The following MINDY4 variants were observed in gnomAD, a reference collection of about 807,000 sequenced individuals.
MINDY4 encodes the protein probable ubiquitin carboxyl-terminal hydrolase MINDY-4.
In MINDY4, 68 loss-of-function variants were observed where a neutral mutation model predicts 87.0. The observed-to-expected ratio is 0.78, with a 90% CI of 0.64 to 0.96. MINDY4 has a LOEUF of 0.96. MINDY4 is among the 40% of genes least tolerant of loss of function. The pLI is 0.00. For synonymous variants in MINDY4, 379 were observed against 363.2 expected, an observed-to-expected ratio of 1.04 and a Z score of -0.50; for missense variants, 919 against 928.2, an observed-to-expected ratio of 0.99 and a Z score of 0.13.
chr7:30,859,293 C>G lies in MINDY4; in HGVS notation c.1714C>G (p.Leu572Val). Residue 572 changes from leucine to valine, a missense_variant, in exon 13 of 18, where the codon CTT becomes GTT. Coordinates refer to ENST00000265299, the MANE Select transcript of MINDY4 (RefSeq NM_032222.3). Reference sequence around the variant, plus strand: ...CCCCTATGGCTGCATCCTGCTCACCCTTTCTGCCATCCTGTCCAGGTCTAC... The same window carrying G: ...CCCCTATGGCTGCATCCTGCTCACCGTTTCTGCCATCCTGTCCAGGTCTAC... ...VGPYGCILLTLSAILSRSTEL... is the reference protein window; with the variant it reads ...VGPYGCILLTVSAILSRSTEL... The G allele has an allele frequency of 6.2e-7, 1 of 1,614,184 alleles. No individual in the cohort carries two copies. Among genetic ancestry groups the G allele is most frequent in the South Asian group, 1.1e-5 (1 of 91,082 alleles).
chr7:30,871,163 G>A (rs1030591936), intron 13 of MINDY4, among the ~76,000 whole-genome samples: 3 of 152,134 alleles, frequency 2.0e-5, no homozygotes, highest in African/African-American at 7.2e-5. Flanking sequence ...TGCAGAAGTG[G>A]GGGGGACAGA....
chr7:30,873,060 C>T (rs1226989028), intron 14 of MINDY4, among the ~76,000 whole-genome samples: 1 of 152,196 alleles, frequency 6.6e-6, no homozygotes, highest in African/African-American at 2.4e-5. Flanking sequence ...ACTCAGTTGT[C>T]CTGGGGGTCC....
intron 15 of MINDY4, among the ~76,000 whole-genome samples, chr7:30,881,706 C>T (rs1790467260): frequency 6.6e-6 from 1 of 152,154 alleles, no homozygotes; most frequent in South Asian, 2.1e-4. Context: ...TATTTCTGCT[C>T]CAACAAGGGA....
rs779619024 is a variant in MINDY4 at position 30,828,728 on chromosome 7, C to T, written c.1123C>T (p.Leu375=). 4 of 1,612,960 alleles carry T rather than the reference C, an allele frequency of 2.5e-6. No individual in the cohort carries two copies. Among genetic ancestry groups the T allele is most frequent in the Non-Finnish European group, 2.5e-6 (3 of 1,180,008 alleles). ...SDKVDGELGA[L]RLEDVEDELI... ...CAAGGTGGATGGTGAGCTGGGTGCCCTGCGGCTCGGTAGGTGCAGCGGGTG... is the reference window on the plus strand; with the variant it reads ...CAAGGTGGATGGTGAGCTGGGTGCCTTGCGGCTCGGTAGGTGCAGCGGGTG... Residue 375 remains leucine, a synonymous_variant, in exon 6 of 18, where the codon CTG becomes TTG. Coordinates refer to ENST00000265299, the MANE Select transcript of MINDY4 (RefSeq NM_032222.3).
chr7:30,840,643 T>C (rs1180851968), intron 8 of MINDY4, 117 bp from the exon 9 acceptor site: 4 of 754,374 alleles, frequency 5.3e-6, no homozygotes, highest in Non-Finnish European at 8.9e-6. Flanking sequence ...GGCCCTTCTG[T>C]TGCAGAAGGC....
At chr7:30,889,356 T>G (rs572715982) in intron 17 of MINDY4, among the ~76,000 whole-genome samples, 2 of 152,208 alleles carry the variant, frequency 1.3e-5, no homozygotes, top group Non-Finnish European at 2.9e-5. Context: ...GTCAGCACAA[T>G]GCCTTCCCAG....
chr7:30,860,110 A>C (rs1392006749), intron 13 of MINDY4, among the ~76,000 whole-genome samples: 3 of 152,102 alleles, frequency 2.0e-5, no homozygotes, highest in Non-Finnish European at 4.4e-5. Context: ...GGGAGAGTGA[A>C]TCTTACTTTG....
At chr7:30,882,429 C>T (rs1790495949) in intron 16 of MINDY4, 68 bp downstream of exon 16, 1 of 1,292,382 alleles carries the variant, frequency 7.7e-7, no homozygotes. Flanking sequence ...GTCACAGAAA[C>T]CAGCCTTCCT....
intron 10 of MINDY4, among the ~76,000 whole-genome samples, chr7:30,851,252 T>C (rs898845383): frequency 3.9e-5 from 6 of 152,202 alleles, no homozygotes; most frequent in Non-Finnish European, 7.3e-5. Flanking sequence ...TGTAGCATAT[T>C]GCTTCAGAGA....
chr7:30,840,725 G>A (rs563492244), intron 8 of MINDY4, 35 bp from the exon 9 acceptor site: 1 of 1,607,478 alleles, frequency 6.2e-7, no homozygotes, highest in African/African-American at 1.3e-5. Context: ...CCCCAGGCCA[G>A]TTCTCACTGG....
At chr7:30,778,715 G>A (rs1488592015) in intron 2 of MINDY4, among the ~76,000 whole-genome samples, 164 bp downstream of exon 2, 4 of 152,190 alleles carry the variant, frequency 2.6e-5, no homozygotes, top group East Asian at 1.9e-4. Context: ...GATCCCCAGC[G>A]GGAGTGGGTT....
intron 3 of MINDY4, among the ~76,000 whole-genome samples, chr7:30,784,174 G>A (rs2391916): frequency 0.6 from 90,569 of 151,474 alleles, 27,647 homozygotes; most frequent in South Asian, 0.74. Flanking sequence ...CTCTTCCTCC[G>A]AGGCACTTAC....
intron 15 of MINDY4, among the ~76,000 whole-genome samples, chr7:30,880,251 CA>C (rs1562565163): frequency 6.6e-6 from 1 of 151,970 alleles, no homozygotes; most frequent in African/African-American, 2.4e-5. Context: ...CATGTTCCCC[CA>C]CCAGGACAAA....
chr7:30,794,728 G>A (rs1013787613), intron 5 of MINDY4, among the ~76,000 whole-genome samples: 1 of 152,198 alleles, frequency 6.6e-6, no homozygotes, highest in Non-Finnish European at 1.5e-5. Context: ...GGTTGTGGCT[G>A]TTTGGGGCCA....
At position 30,868,182 on chromosome 7, in the gene MINDY4, G is replaced by C. The variant is rs189818363; in HGVS notation, c.1746-4061G>C. On this transcript the variant is annotated intron_variant, in intron 13 of 17. Coordinates refer to ENST00000265299, the MANE Select transcript of MINDY4 (RefSeq NM_032222.3). ...AAGCTGTGCCTGAGCCAGCAATGGT[G>C]GGGGCTAGGGGTAGGGCTTTGGGAC... Among the ~76,000 whole-genome samples, 113 of 152,310 alleles carry C rather than the reference G, an allele frequency of 7.4e-4. No homozygotes were observed. In the East Asian group the frequency reaches 0.014, roughly 19 times the overall value.
intron 12 of MINDY4, among the ~76,000 whole-genome samples, chr7:30,857,190 C>CT (rs556473423): frequency 1.3e-5 from 2 of 152,188 alleles, no homozygotes; most frequent in Non-Finnish European, 2.9e-5. Context: ...GCCTGTGGAC[C>CT]TTTGCACGTG....
At chr7:30,852,420 G>T in intron 11 of MINDY4, 141 bp downstream of exon 11, 1 of 1,484,454 alleles carries the variant, frequency 6.7e-7, no homozygotes. Flanking sequence ...CCTGGGATTA[G>T]GGTGGGGACA....
chr7:30,861,448 G>A (rs1259011254), intron 13 of MINDY4, among the ~76,000 whole-genome samples: 2 of 152,244 alleles, frequency 1.3e-5, no homozygotes, highest in Admixed American at 6.5e-5. Context: ...GCTGAGGGAG[G>A]TGAGTAGGCT....
chr7:30,773,541 C>T (rs1035982688), intron 1 of MINDY4, among the ~76,000 whole-genome samples: 2 of 152,152 alleles, frequency 1.3e-5, no homozygotes, highest in Non-Finnish European at 2.9e-5. Flanking sequence ...TTGAACTCAC[C>T]AAGTGTGGTC....
Sources: gnomAD v4.1 joint callset for allele counts (sites outside exome capture counted in the v4.1 genomes callset) on GRCh38, gnomAD v4.1.1 for gene constraint, MANE v1.5 for transcripts, NCBI Gene and HGNC (gene_info 2026-07-23, HGNC 2026-07-21) for gene names.